The following HAX1 variants were observed in gnomAD, a reference collection of about 807,000 sequenced individuals.
HAX1 encodes HCLS1-associated protein X-1.
A neutral mutation model predicts 31.1 loss-of-function variants in HAX1; 27 were observed. That is an observed-to-expected ratio of 0.87 (90% CI 0.64 to 1.20). The LOEUF (loss-of-function observed/expected upper bound fraction) is 1.20, where lower values mean the gene tolerates loss of function less well. HAX1 is among the 50% of genes most tolerant of loss of function. The pLI is 0.00. For missense variants in HAX1, 357 were observed against 361.6 expected, an observed-to-expected ratio of 0.99 and a Z score of 0.10; for synonymous variants, 114 against 124.1, an observed-to-expected ratio of 0.92 and a Z score of 0.54.
At position 154,272,702 on chromosome 1, in the gene HAX1, A is replaced by C. The variant is rs1684812928; in HGVS notation, c.-22A>C. 1 of 1,613,826 alleles carries C rather than the reference A, an allele frequency of 6.2e-7. No homozygotes were observed. The highest frequency in any genetic ancestry group is 8.5e-7 in the Non-Finnish European group (1 of 1,179,864). The stretch of plus-strand genomic sequence containing the variant: ...CGAATGGACCACTGGAGGGGTTCAA[A>C]GGTTCGCGTCCCAGTACGGGAATGA... On this transcript the variant is annotated 5_prime_UTR_variant, in exon 1 of 7. Coordinates refer to ENST00000328703, the MANE Select transcript of HAX1 (RefSeq NM_006118.4).
chr1:154,275,663 C>T lies in HAX1; in HGVS notation c.802C>T (p.Leu268=), dbSNP rs2149140852. The T allele has an allele frequency of 6.2e-7, 1 of 1,614,058 alleles. No individual in the cohort carries two copies. ...AGCCCTGGATGATGCCTTTTCCATC[C>T]TGGACTTATTCCTGGGACGTTGGTT... ...PPALDDAFSI[L]DLFLGRWFRS... Residue 268 remains leucine (L), a synonymous_variant, in exon 7 of 7, where the codon CTG becomes TTG. Coordinates refer to ENST00000328703, the MANE Select transcript of HAX1 (RefSeq NM_006118.4).
rs574026765 is a variant in HAX1, at chr1:154,274,708, C to G, written c.505-242C>G. ...ACAAAAACAAAAAAACACCACTGGT[C>G]TAGATAATTCTTGGATAAGGCAGGA... On this transcript the variant is annotated intron_variant, in intron 3 of 6. Coordinates refer to ENST00000328703, the MANE Select transcript of HAX1 (RefSeq NM_006118.4). Among the ~76,000 whole-genome samples, 5 of 152,172 alleles carry G rather than the reference C, an allele frequency of 3.3e-5. No individual in the cohort carries two copies. The South Asian group carries it at 6.2e-4, about 19-fold the overall frequency.
chr1:154,273,166 A>AAAC, intron 1 of HAX1, 170 bp from the exon 2 acceptor site: 1 of 688,020 alleles, frequency 1.5e-6, no homozygotes, highest in African/African-American at 1.8e-5. Flanking sequence ...AAAAAAAAAA[A>AAAC]AAAAAGAACT....
chr1:154,275,708 T>A lies in HAX1; in HGVS notation c.*7T>A, dbSNP rs1684918806. Reference sequence around the variant, plus strand: ...TTGGTTCCGGTCCCGGTAGCCTTGTTAACCCTCAGAGGCCTTCAAGTCCTT... The same window carrying A: ...TTGGTTCCGGTCCCGGTAGCCTTGTAAACCCTCAGAGGCCTTCAAGTCCTT... On this transcript the variant is annotated 3_prime_UTR_variant, in exon 7 of 7. Coordinates refer to ENST00000328703, the MANE Select transcript of HAX1 (RefSeq NM_006118.4). The A allele has an allele frequency of 1.2e-6, 2 of 1,604,068 alleles. No homozygotes were observed. The highest frequency in any genetic ancestry group is 1.7e-6 in the Non-Finnish European group (2 of 1,170,838).
rs772344969 is a variant in HAX1 at position 154,272,720 on chromosome 1, G to A, written c.-4G>A. On this transcript the variant is annotated 5_prime_UTR_variant, in exon 1 of 7. Coordinates refer to ENST00000328703, the MANE Select transcript of HAX1 (RefSeq NM_006118.4). ...GGTTCAAAGGTTCGCGTCCCAGTAC[G>A]GGAATGAGCCTCTTTGATCTCTTCC... 3 of 1,614,176 alleles carry A rather than the reference G, an allele frequency of 1.9e-6. No homozygotes were observed. The highest frequency in any genetic ancestry group is 1.7e-5 in the Admixed American group (1 of 60,034).
intron 6 of HAX1, 22 bp from the exon 7 acceptor site, chr1:154,275,594 C>A: frequency 6.3e-7 from 1 of 1,597,570 alleles, no homozygotes; most frequent in Non-Finnish European, 8.6e-7. Flanking sequence ...AGCCTATTTA[C>A]GTGTATGACT....
intron 1 of HAX1, chr1:154,273,004 G>A: frequency 1.6e-6 from 1 of 616,692 alleles, no homozygotes; most frequent in Non-Finnish European, 2.9e-6. Flanking sequence ...ACAGGGACCC[G>A]GGCGGGGAAG....
At position 154,273,807 on chromosome 1, in the gene HAX1, A is replaced by G. The variant is rs777055928; in HGVS notation, c.350A>G (p.Glu117Gly). 6.2e-7 allele frequency: 1 copy of G among 1,614,142 alleles called. No individual in the cohort carries two copies. The highest frequency in any genetic ancestry group is 8.5e-7 in the Non-Finnish European group (1 of 1,180,016). The change falls in exon 3 of 7, where the codon GAG becomes GGG. Residue 117 changes from glutamate (E) to glycine (G), a missense_variant. Glu to Gly is a moderately conservative substitution (Grantham distance 98). Coordinates refer to ENST00000328703, the MANE Select transcript of HAX1 (RefSeq NM_006118.4). ...GGTCCTGAGTCAGAGACACCTGGTG[A>G]GAGACTACGGGAGGGACAGACACTT... The part of the protein sequence containing the change: ...LPGPESETPG[E>G]RLREGQTLRD...
chr1:154,272,954 A>C (rs1436895404), intron 1 of HAX1, 178 bp downstream of exon 1: 8 of 668,178 alleles, frequency 1.2e-5, no homozygotes, highest in Admixed American at 2.4e-5. Context: ...TTAAGAGGAG[A>C]AACAGCAAAC....
rs1684861545 is a variant in HAX1 at position 154,273,421 on chromosome 1, GGGAACCCAA to G, written c.142_150del (p.Asn48_Arg50del). 3 of 1,614,122 alleles carry G rather than the reference GGGAACCCAA, an allele frequency of 1.9e-6. No individual in the cohort carries two copies. The highest frequency in any genetic ancestry group is 2.5e-6 in the Non-Finnish European group (3 of 1,180,014). Reference sequence around the variant, plus strand: ...AGAAGAAGGGGGCTCATGGGGCCGTGGGAACCCAAGGTTCCATAGTCCTCAGCACCCCCC... The same window carrying G: ...AGAAGAAGGGGGCTCATGGGGCCGTGGGTTCCATAGTCCTCAGCACCCCCC... On this transcript the variant is annotated inframe_deletion, in exon 2 of 7. Transcript: ENST00000328703.
chr1:154,273,018 G>C (rs937918856), intron 1 of HAX1: 3 of 612,690 alleles, frequency 4.9e-6, no homozygotes, highest in African/African-American at 1.8e-5. Flanking sequence ...GGGGAAGACC[G>C]TGAGGGTCTG....
In HAX1 at chr1:154,273,588, C is replaced by A. The variant is rs1684869278; in HGVS notation, c.306C>A (p.Ser102=). The A allele has an allele frequency of 1.2e-6, 2 of 1,614,022 alleles. No homozygotes were observed. Among genetic ancestry groups the A allele is most frequent in the African/African-American group, 1.3e-5 (1 of 74,906 alleles). ...FSDMGAWTLP[S]HPPELPGPES... Reference sequence around the variant, plus strand: ...ATATGGGGGCCTGGACCTTGCCTTCCCATCCTCCTGGTGTGTGGCTTTCCC... The same window carrying A: ...ATATGGGGGCCTGGACCTTGCCTTCACATCCTCCTGGTGTGTGGCTTTCCC... The change falls in exon 2 of 7, where the codon TCC becomes TCA. Residue 102 remains serine, a synonymous_variant. Transcript: ENST00000328703.
At chr1:154,272,938 C>A in intron 1 of HAX1, 162 bp downstream of exon 1, 1 of 705,838 alleles carries the variant, frequency 1.4e-6, no homozygotes, top group South Asian at 1.6e-5. Flanking sequence ...GTAACCAAGG[C>A]GGTCATTAAG....
rs373319838 is a variant in HAX1, at chr1:154,273,602, T to A, written c.316+4T>A. 6.2e-7 allele frequency: 1 copy of A among 1,614,076 alleles called. No individual in the cohort carries two copies. Among genetic ancestry groups the A allele is most frequent in the Non-Finnish European group, 8.5e-7 (1 of 1,179,950 alleles). On this transcript the variant is annotated splice_donor_region_variant and intron_variant, in intron 2 of 6. Transcript: ENST00000328703. Reference sequence around the variant, plus strand: ...ACCTTGCCTTCCCATCCTCCTGGTGTGTGGCTTTCCCTAAGGGGCAACCTG... The same window carrying A: ...ACCTTGCCTTCCCATCCTCCTGGTGAGTGGCTTTCCCTAAGGGGCAACCTG...
chr1:154,275,837 C>A lies in HAX1; in HGVS notation c.*136C>A. ...GAACTGGGGCCATGTCAGTTTGTCA[C>A]TCACCCAAACTGACCAATAAAACCT... is the stretch of plus-strand genomic sequence containing the variant. On this transcript the variant is annotated 3_prime_UTR_variant, in exon 7 of 7. Transcript: ENST00000328703. 5 of 704,194 alleles carry A rather than the reference C, an allele frequency of 7.1e-6. No homozygotes were observed. Among genetic ancestry groups the A allele is most frequent in the Non-Finnish European group, 1.3e-5 (5 of 383,438 alleles). The allele number at this position is 704,194 out of a possible 1,614,324, so 43.6% of individuals were successfully genotyped here.
chr1:154,274,498 C>T (rs1044598592), intron 3 of HAX1, among the ~76,000 whole-genome samples: 15 of 152,090 alleles, frequency 9.9e-5, no homozygotes, highest in African/African-American at 3.4e-4. Flanking sequence ...CCACCCACCT[C>T]GGCCTCCCAA....
intron 3 of HAX1, 101 bp downstream of exon 3, chr1:154,274,062 C>T (rs1684883659): frequency 9.3e-7 from 1 of 1,078,188 alleles, no homozygotes; most frequent in Admixed American, 1.8e-5. Context: ...AATCCCAGCA[C>T]TTTGGGAGGC....
In HAX1 at chr1:154,273,834, G is replaced by C; in HGVS notation, c.377G>C (p.Arg126Pro). The change falls in exon 3 of 7, where the codon CGG (arginine) becomes CCG (proline). Residue 126 changes from arginine to proline, a missense_variant. Coordinates refer to ENST00000328703, the MANE Select transcript of HAX1 (RefSeq NM_006118.4). ...GERLREGQTL[R>P]DSMLKYPDSH... ...AGACTACGGGAGGGACAGACACTTC[G>C]GGACTCAATGCTTAAGTATCCAGAT... 6.2e-7 allele frequency: 1 copy of C among 1,614,056 alleles called. No individual in the cohort carries two copies. Among genetic ancestry groups the C allele is most frequent in the Non-Finnish European group, 8.5e-7 (1 of 1,179,984 alleles).
At chr1:154,272,896 A>C in intron 1 of HAX1, 120 bp downstream of exon 1, 2 of 866,254 alleles carry the variant, frequency 2.3e-6, no homozygotes, top group Non-Finnish European at 3.8e-6. Context: ...GAGAGGACAG[A>C]AGTCGCAACA....
Sources: gnomAD v4.1 joint callset for allele counts (sites outside exome capture counted in the v4.1 genomes callset) on GRCh38, gnomAD v4.1.1 for gene constraint, MANE v1.5 for transcripts, NCBI Gene and HGNC (gene_info 2026-07-23, HGNC 2026-07-21) for gene names.